RC3H1: variants seen among roughly 807,000 people sequenced by gnomAD.
The protein encoded by RC3H1 is ring finger and CCCH-type domains 1, also known as roquin-1.
RC3H1 carries 50 observed loss-of-function variants against 138.2 expected under a neutral mutation model. That is an observed-to-expected ratio of 0.36 (90% confidence interval 0.29 to 0.46). The LOEUF is 0.46. Among genes scored for constraint, RC3H1 ranks in the 20% least tolerant of loss-of-function variants. RC3H1 has a pLI of 1.00. For synonymous variants in RC3H1, 462 were observed against 489.1 expected (o/e 0.94, Z 0.73); for missense variants, 1,031 against 1,388.1 (o/e 0.74, Z 4.09).
At chr1:173,981,050 T>C (rs373948936) in intron 5 of RC3H1, 41 bp from the exon 6 acceptor site, 393 of 1,550,842 alleles carry the variant, frequency 2.5e-4, no homozygotes, top group Non-Finnish European at 3.3e-4. Flanking sequence ...GTCAAAAAAA[T>C]GAGTTTATGC....
intron 1 of RC3H1, among the ~76,000 whole-genome samples, chr1:174,006,291 T>C (rs908568812): frequency 1.3e-5 from 2 of 152,218 alleles, no homozygotes; most frequent in African/African-American, 4.8e-5. Context: ...CAAGTTATAC[T>C]TTTTTACCTA....
Position 173,963,994 on chromosome 1 carries a change from CA to C in RC3H1, c.1809del (p.Phe603LeufsTer49). 1 of 1,614,062 alleles carries C rather than the reference CA, an allele frequency of 6.2e-7. No individual in the cohort carries two copies. Among genetic ancestry groups the C allele is most frequent in the Non-Finnish European group, 8.5e-7 (1 of 1,180,000 alleles). ...YQDPRGAAPP[F>X]EPAPYQQGMY... ...TTACCCTGCTGATAAGGTGCTGGTT[CA>C]AATGGCGGAGCTGCTCCTCGAGGAT... On this transcript the variant is annotated frameshift_variant, in exon 11 of 20. Transcript: ENST00000367696. LOFTEE classifies it high-confidence loss of function.
chr1:173,987,564 A>C (rs1275597128), intron 2 of RC3H1, among the ~76,000 whole-genome samples: 2 of 152,178 alleles, frequency 1.3e-5, no homozygotes, highest in African/African-American at 4.8e-5. Context: ...TTCCTGTCCC[A>C]GTCTTAGAAT....
intron 10 of RC3H1, 103 bp downstream of exon 10, chr1:173,964,736 T>A (rs1571198039): frequency 3.4e-6 from 4 of 1,174,362 alleles, no homozygotes; most frequent in South Asian, 1.6e-5. Context: ...CCAAAAAAAA[T>A]AATCAGGGTT....
At chr1:174,017,810 A>AAAAAAAAAAAAAAAAAAAC (rs1661889930) in intron 1 of RC3H1, among the ~76,000 whole-genome samples, 4 of 146,126 alleles carry the variant, frequency 2.7e-5, no homozygotes, top group African/African-American at 1.0e-4. Flanking sequence ...AAAAAAAAAA[A>AAAAAAAAAAAAAAAAAAAC]CTGCTACCAT....
chr1:174,003,298 A>T (rs1002496848), intron 1 of RC3H1, among the ~76,000 whole-genome samples: 3 of 151,798 alleles, frequency 2.0e-5, no homozygotes, highest in Non-Finnish European at 2.9e-5. Flanking sequence ...GAGGCAGGAG[A>T]ATTCCTTGAA....
At chr1:173,961,368 A>G (rs1000484214) in intron 12 of RC3H1, 124 bp from the exon 13 acceptor site, 1 of 800,120 alleles carries the variant, frequency 1.2e-6, no homozygotes, top group Admixed American at 3.2e-5. Flanking sequence ...ATTTGGAAAC[A>G]CCAACACTTA....
At position 173,963,976 on chromosome 1, in the gene RC3H1, G is replaced by T. The variant is rs761560966; in HGVS notation, c.1828C>A (p.Gln610Lys). 16 of 1,613,210 alleles carry T rather than the reference G, an allele frequency of 9.9e-6. No individual in the cohort carries two copies. The Admixed American group carries it at 2.5e-4, about 25-fold the overall frequency. ...AATATAAATTTAAAATCGTTACCCT[G>T]CTGATAAGGTGCTGGTTCAAATGGC... ...APPFEPAPYQ[Q>K]GMYYTPPPQC... The change falls in exon 11 of 20, where the codon CAG (glutamine) becomes AAG (lysine). Residue 610 changes from glutamine (Q) to lysine (K), a missense_variant. This residue lies in a region of RC3H1 where 716 missense variants were observed against 837.9 expected (regional missense o/e 0.85). Transcript: ENST00000367696.
At chr1:173,952,334 TAAGTG>T (rs1309316530) in intron 13 of RC3H1, among the ~76,000 whole-genome samples, 196 bp from the exon 14 acceptor site, 3 of 133,024 alleles carry the variant, frequency 2.3e-5, no homozygotes, top group Admixed American at 1.7e-4. Context: ...AAATATAAAA[TAAGTG>T]AAGAGTGATT....
At chr1:173,940,630 T>C (rs2102837952) in intron 19 of RC3H1, among the ~76,000 whole-genome samples, 1 of 140,240 alleles carries the variant, frequency 7.1e-6, no homozygotes, top group African/African-American at 3.2e-5. Flanking sequence ...GGGAGTGACT[T>C]TATTTTTTGT....
chr1:173,951,605 A>G (rs1366324699), intron 14 of RC3H1, among the ~76,000 whole-genome samples: 1 of 151,990 alleles, frequency 6.6e-6, no homozygotes, highest in Non-Finnish European at 1.5e-5. Context: ...CAGTGGCACG[A>G]TCTTGGCTCA....
intron 2 of RC3H1, among the ~76,000 whole-genome samples, chr1:173,989,944 T>C (rs1326480880): frequency 6.6e-6 from 1 of 151,356 alleles, no homozygotes; most frequent in Non-Finnish European, 1.5e-5. Flanking sequence ...GCCAGGATGG[T>C]CTCGATCTCC....
At chr1:174,013,981 T>C (rs1317503871) in intron 1 of RC3H1, among the ~76,000 whole-genome samples, 1 of 152,142 alleles carries the variant, frequency 6.6e-6, no homozygotes, top group Admixed American at 6.5e-5. Flanking sequence ...GACTATATAC[T>C]ATGATTCCAA....
chr1:173,965,247 T>C, intron 9 of RC3H1, 127 bp from the exon 10 acceptor site: 1 of 899,694 alleles, frequency 1.1e-6, no homozygotes, highest in Non-Finnish European at 1.6e-6. Context: ...GTGTGTATAT[T>C]TTGCATAAAA....
chr1:173,937,482 C>T lies in RC3H1; in HGVS notation c.*1239G>A, dbSNP rs1416529414. On this transcript the variant is annotated 3_prime_UTR_variant, in exon 20 of 20. Coordinates refer to ENST00000367696, the MANE Select transcript of RC3H1 (RefSeq NM_172071.4). ...TTTTATAGGGTCTTAGTTAATTAAG[C>T]ACAGACACATGGCATCAGAATATGT... The T allele has an allele frequency of 2.0e-5, 3 of 151,112 alleles. No homozygotes were observed. Among genetic ancestry groups the T allele is most frequent in the East Asian group, 3.9e-4 (2 of 5,158 alleles). The allele number at this position is 151,112 out of a possible 1,614,324, so 9.4% of individuals were successfully genotyped here. A position where few individuals can be genotyped will look rare whatever the true frequency, so the allele number is the denominator to read the frequency against.
At chr1:173,940,289 T>C (rs978931736) in intron 19 of RC3H1, among the ~76,000 whole-genome samples, 27 of 152,102 alleles carry the variant, frequency 1.8e-4, no homozygotes, top group Admixed American at 2.6e-4. Context: ...CTGACCAACA[T>C]GGAGAAACCC....
intron 14 of RC3H1, among the ~76,000 whole-genome samples, chr1:173,947,901 C>A (rs1484208338): frequency 6.6e-6 from 1 of 151,920 alleles, no homozygotes; most frequent in Non-Finnish European, 1.5e-5. Flanking sequence ...TACCAGCACA[C>A]CCAGCTAATT....
At chr1:173,959,164 A>C (rs1385545693) in intron 13 of RC3H1, among the ~76,000 whole-genome samples, 1 of 152,034 alleles carries the variant, frequency 6.6e-6, no homozygotes, top group Non-Finnish European at 1.5e-5. Context: ...AAGGGGAAAA[A>C]GATTATTCAG....
intron 2 of RC3H1, among the ~76,000 whole-genome samples, chr1:173,991,783 G>T (rs965965687): frequency 2.6e-5 from 4 of 152,144 alleles, no homozygotes; most frequent in African/African-American, 9.7e-5. Flanking sequence ...CAGATGTTAA[G>T]TCAAACTTAC....
Sources: gnomAD v4.1 joint callset for allele counts (sites outside exome capture counted in the v4.1 genomes callset) on GRCh38, gnomAD v4.1.1 for gene constraint, gnomAD v4.1.1 regional missense constraint, MANE v1.5 for transcripts, NCBI Gene and HGNC (gene_info 2026-07-23, HGNC 2026-07-21) for gene names.